The following CADPS2 variants were observed in gnomAD, a reference collection of about 807,000 sequenced individuals.
CADPS2 encodes calcium-dependent secretion activator 2.
A neutral mutation model predicts 172.5 loss-of-function variants in CADPS2; 93 were observed. That is an observed-to-expected ratio of 0.54 (90% CI 0.46 to 0.64). The LOEUF (loss-of-function observed/expected upper bound fraction) is 0.64. CADPS2 is among the 30% of genes least tolerant of loss of function. The probability of loss-of-function intolerance (pLI) is 0.00; values close to 1 mark genes in which losing one functional copy is unlikely to be tolerated. For missense variants in CADPS2, 1,420 were observed against 1,565.9 expected (o/e 0.91, Z 1.57); for synonymous variants, 546 against 555.2 (o/e 0.98, Z 0.23).
chr7:122,628,671 T>C (rs1039524470), intron 4 of CADPS2, among the ~76,000 whole-genome samples: 2 of 151,240 alleles, frequency 1.3e-5, no homozygotes, highest in African/African-American at 2.4e-5. Context: ...AAAAAACTCA[T>C]GCCTTTTGTC....
In CADPS2 at chr7:122,423,189, G is replaced by A. The variant is rs146134044; in HGVS notation, c.2477-7025C>T. ...TCCAGCTCTGGCCATAGCAACCTGTGGTAAGTTACATGGTGCCAAAGTCTA... is the reference window on the plus strand; with the variant it reads ...TCCAGCTCTGGCCATAGCAACCTGTAGTAAGTTACATGGTGCCAAAGTCTA... On this transcript the variant is annotated intron_variant, in intron 17 of 29. Coordinates refer to ENST00000449022, the MANE Select transcript of CADPS2 (RefSeq NM_017954.11). Among the ~76,000 whole-genome samples the A allele has an allele frequency of 2.5e-3, 376 of 152,126 alleles. 3 individuals are homozygous for A. The highest frequency in any genetic ancestry group is 8.6e-3 in the African/African-American group (357 of 41,506).
chr7:122,839,503 T>C (rs186565788), intron 1 of CADPS2, among the ~76,000 whole-genome samples: 193 of 152,236 alleles, frequency 1.3e-3, no homozygotes, highest in African/African-American at 4.1e-3. Flanking sequence ...ACCTACAGAA[T>C]GGGAGAACAT....
chr7:122,884,835 A>C (rs1823882521), intron 1 of CADPS2, among the ~76,000 whole-genome samples: 1 of 152,230 alleles, frequency 6.6e-6, no homozygotes. Context: ...ACCTCAAAAA[A>C]TAAAGGTTAT....
intron 1 of CADPS2, among the ~76,000 whole-genome samples, chr7:122,783,104 T>C (rs1203496073): frequency 1.3e-5 from 2 of 150,840 alleles, no homozygotes; most frequent in Non-Finnish European, 2.9e-5. Context: ...TGGTCCCAGC[T>C]ACTCGGGAGG....
intron 2 of CADPS2, among the ~76,000 whole-genome samples, chr7:122,678,139 G>A (rs1055665316): frequency 6.6e-6 from 1 of 152,160 alleles, no homozygotes; most frequent in African/African-American, 2.4e-5. Context: ...GAATCTAAAG[G>A]CTGCTGTGCT....
At chr7:122,375,119 C>A (rs1056525240) in intron 25 of CADPS2, among the ~76,000 whole-genome samples, 1 of 152,094 alleles carries the variant, frequency 6.6e-6, no homozygotes, top group Non-Finnish European at 1.5e-5. Flanking sequence ...GTCCATACTA[C>A]TTAAAGTGAT....
intron 8 of CADPS2, among the ~76,000 whole-genome samples, chr7:122,527,503 C>G (rs750261320): frequency 6.6e-6 from 1 of 150,394 alleles, no homozygotes; most frequent in Non-Finnish European, 1.5e-5. Context: ...TTTCTTTGCC[C>G]GAGTTCTGAA....
At position 122,407,644 on chromosome 7, in the gene CADPS2, G is replaced by A; in HGVS notation, c.2642C>T (p.Ala881Val). ...AGTGTCCATATCCACTGTAAATAAA[G>A]CCCAAAATTTCTCTGCATGTTCAGC... ...LLAEHAEKFW[A>V]LFTVDMDTAL... The change falls in exon 20 of 30, where the codon GCT becomes GTT. Residue 881 changes from alanine (A) to valine (V), a missense_variant. By Grantham distance (64) the Ala-to-Val change is moderately conservative. Transcript: ENST00000449022. The A allele has an allele frequency of 6.2e-7, 1 of 1,611,984 alleles. No homozygotes were observed. The highest frequency in any genetic ancestry group is 8.5e-7 in the Non-Finnish European group (1 of 1,179,018).
At chr7:122,386,538 T>C (rs1057240979) in intron 24 of CADPS2, among the ~76,000 whole-genome samples, 1 of 151,888 alleles carries the variant, frequency 6.6e-6, no homozygotes, top group Admixed American at 6.6e-5. Context: ...AAAATATAAA[T>C]AAAATAGAAA....
chr7:122,750,151 T>C (rs1448136050), intron 1 of CADPS2, among the ~76,000 whole-genome samples: 2 of 152,244 alleles, frequency 1.3e-5, no homozygotes, highest in East Asian at 3.9e-4. Flanking sequence ...GAATGACTAT[T>C]GTATGCTACA....
chr7:122,817,119 G>A (rs13311293), intron 1 of CADPS2, among the ~76,000 whole-genome samples: 2 of 152,250 alleles, frequency 1.3e-5, no homozygotes, highest in African/African-American at 4.8e-5. Context: ...GGTGAAATAA[G>A]CAGCCATGTT....
chr7:122,621,841 ACT>A, intron 4 of CADPS2, 124 bp from the exon 5 acceptor site: 1 of 624,256 alleles, frequency 1.6e-6, no homozygotes, highest in Non-Finnish European at 2.7e-6. Flanking sequence ...TATCTATCCT[ACT>A]TGAGTCACTA....
chr7:122,773,245 A>G (rs539166400), intron 1 of CADPS2, among the ~76,000 whole-genome samples: 24 of 152,170 alleles, frequency 1.6e-4, no homozygotes, highest in Middle Eastern at 3.4e-3. Context: ...ACATGTTTCC[A>G]TATCATGGAA....
At chr7:122,751,243 T>G (rs1175907272) in intron 1 of CADPS2, among the ~76,000 whole-genome samples, 1 of 152,144 alleles carries the variant, frequency 6.6e-6, no homozygotes, top group East Asian at 1.9e-4. Context: ...ATTCCCAAAG[T>G]GCTAGGCGCT....
At chr7:122,541,306 C>T (rs1261147003) in intron 8 of CADPS2, among the ~76,000 whole-genome samples, 2 of 148,678 alleles carry the variant, frequency 1.3e-5, no homozygotes, top group Non-Finnish European at 3.0e-5. Flanking sequence ...AAGCAATTTT[C>T]CTGCCTCAGC....
chr7:122,621,613 T>A lies in CADPS2; in HGVS notation c.972A>T (p.Pro324=). The A allele has an allele frequency of 3.1e-6, 5 of 1,613,748 alleles. No individual in the cohort carries two copies. Among genetic ancestry groups the A allele is most frequent in the Non-Finnish European group, 4.2e-6 (5 of 1,179,674 alleles). ...NLLMANLESL[P]VSKGGPEFKL... is the part of the protein sequence containing the mutation. ...TAAATTCCGGACCACCTTTCGAAAC[T>A]GGAAGACTTTCCAAATTGGCCATTA... Residue 324 remains proline, a synonymous_variant, in exon 5 of 30, where the codon CCA becomes CCT. Transcript: ENST00000449022.
chr7:122,489,405 G>A (rs756027814), intron 11 of CADPS2, among the ~76,000 whole-genome samples: 3 of 152,090 alleles, frequency 2.0e-5, no homozygotes, highest in Non-Finnish European at 4.4e-5. Flanking sequence ...AGGTAAAACA[G>A]GATAAGCTTT....
intron 2 of CADPS2, among the ~76,000 whole-genome samples, chr7:122,724,136 C>T (rs1588763075): frequency 6.6e-6 from 1 of 151,832 alleles, no homozygotes; most frequent in East Asian, 1.9e-4. Context: ...ATGTAACAAA[C>T]CTGCACGTTT....
At chr7:122,409,754 G>C in intron 19 of CADPS2, 1 of 401,366 alleles carries the variant, frequency 2.5e-6, no homozygotes, top group Non-Finnish European at 5.3e-6. Flanking sequence ...ATCCCACCCT[G>C]GGTTGGTAGG....
Sources: allele counts gnomAD v4.1 joint callset (sites outside exome capture counted in the v4.1 genomes callset), GRCh38; gene constraint gnomAD v4.1.1; transcripts MANE v1.5; gene names NCBI Gene and HGNC (gene_info 2026-07-23, HGNC 2026-07-21).